Variants in ST3GAL3 observed in about 807,000 individuals in gnomAD.
The protein encoded by ST3GAL3 is ST3 beta-galactoside alpha-2,3-sialyltransferase 3, also known as CMP-N-acetylneuraminate-beta-1,4-galactoside alpha-2,3-sialyltransferase.
In ST3GAL3, 21 loss-of-function variants were observed where a neutral mutation model predicts 50.1. The observed-to-expected ratio is 0.42, with a 90% CI of 0.30 to 0.60. The LOEUF is 0.60. ST3GAL3 is among the 20% of genes least tolerant of loss of function. ST3GAL3 has a pLI of 0.19. For synonymous variants in ST3GAL3, 183 were observed against 190.0 expected (o/e 0.96, Z 0.30); for missense variants, 353 against 489.4 (o/e 0.72, Z 2.63).
chr1:43,773,634 C>T (rs548613481), intron 2 of ST3GAL3, among the ~76,000 whole-genome samples: 4 of 152,154 alleles, frequency 2.6e-5, no homozygotes, highest in Admixed American at 6.5e-5. Context: ...AAGTAAGGTG[C>T]AGAGTTTTTG....
intron 1 of ST3GAL3, among the ~76,000 whole-genome samples, chr1:43,731,401 TTG>T (rs1420079191): frequency 0.015 from 1,769 of 116,194 alleles, 38 homozygotes; most frequent in African/African-American, 0.059. Flanking sequence ...TTTTTTTTTT[TTG>T]AGATGGAGTC....
chr1:43,897,654 G>A (rs1443936584), intron 6 of ST3GAL3, among the ~76,000 whole-genome samples: 1 of 152,192 alleles, frequency 6.6e-6, no homozygotes, highest in Non-Finnish European at 1.5e-5. Flanking sequence ...CAGGCTCAGG[G>A]AGTAAAGAGG....
At chr1:43,817,863 T>C (rs1007451068) in intron 4 of ST3GAL3, among the ~76,000 whole-genome samples, 2 of 137,434 alleles carry the variant, frequency 1.5e-5, no homozygotes, top group Admixed American at 1.5e-4. Flanking sequence ...CTCCTCCTCC[T>C]CTTCCTCCTC....
chr1:43,791,062 A>AT (rs2058019410), intron 2 of ST3GAL3, among the ~76,000 whole-genome samples: 1 of 152,144 alleles, frequency 6.6e-6, no homozygotes, highest in Non-Finnish European at 1.5e-5. Flanking sequence ...GTCTTCACAC[A>AT]TGGCCTTCCC....
At chr1:43,806,763 C>T (rs987549492) in intron 3 of ST3GAL3, among the ~76,000 whole-genome samples, 1 of 152,196 alleles carries the variant, frequency 6.6e-6, no homozygotes, top group Non-Finnish European at 1.5e-5. Context: ...AGTCATGGCT[C>T]ACTGTAGCCT....
intron 2 of ST3GAL3, among the ~76,000 whole-genome samples, chr1:43,757,105 A>G (rs1048768903): frequency 2.0e-5 from 3 of 152,038 alleles, no homozygotes; most frequent in African/African-American, 7.2e-5. Flanking sequence ...GGGTTTCACC[A>G]TGTTGGCCAG....
intron 3 of ST3GAL3, among the ~76,000 whole-genome samples, chr1:43,795,741 C>G (rs559067915): frequency 1.6e-4 from 25 of 152,272 alleles, no homozygotes; most frequent in African/African-American, 5.5e-4. Flanking sequence ...AGCACACTCA[C>G]TCTATCTCTG....
At chr1:43,881,943 A>G (rs1307946284) in intron 5 of ST3GAL3, among the ~76,000 whole-genome samples, 1 of 152,206 alleles carries the variant, frequency 6.6e-6, no homozygotes, top group Non-Finnish European at 1.5e-5. Context: ...GAAGATCCAC[A>G]TGGTGGAGGC....
At position 43,774,809 on chromosome 1, in the gene ST3GAL3, T is replaced by C. The variant is rs1254855631; in HGVS notation, c.119-17293T>C. Among the ~76,000 whole-genome samples the C allele has an allele frequency of 1.3e-5, 2 of 152,232 alleles. 1 individual carries two copies. Among genetic ancestry groups the C allele is most frequent in the Non-Finnish European group, 2.9e-5 (2 of 68,042 alleles). ...CAGCAAATACATATTGAGTGTCTGCTGTGTGTCAGGTACTGTGCCAAGTGA... is the reference window on the plus strand; with the variant it reads ...CAGCAAATACATATTGAGTGTCTGCCGTGTGTCAGGTACTGTGCCAAGTGA... On this transcript the variant is annotated intron_variant, in intron 2 of 11. Transcript: ENST00000347631.
chr1:43,891,116 G>A (rs2076624181), intron 5 of ST3GAL3, among the ~76,000 whole-genome samples: 2 of 152,198 alleles, frequency 1.3e-5, no homozygotes, highest in African/African-American at 4.8e-5. Context: ...GAAAATGACT[G>A]ATTCCAGGTT....
chr1:43,873,488 A>G (rs2073435894), intron 5 of ST3GAL3, among the ~76,000 whole-genome samples: 1 of 152,194 alleles, frequency 6.6e-6, no homozygotes, highest in African/African-American at 2.4e-5. Flanking sequence ...GTAGCTATCA[A>G]GAAGGCAGGG....
intron 1 of ST3GAL3, among the ~76,000 whole-genome samples, chr1:43,713,142 C>T (rs945064214): frequency 3.3e-5 from 5 of 152,090 alleles, no homozygotes; most frequent in Non-Finnish European, 5.9e-5. Flanking sequence ...TAAGACTGGA[C>T]GGAAGGATAG....
intron 4 of ST3GAL3, among the ~76,000 whole-genome samples, chr1:43,816,718 G>C (rs1018553528): frequency 2.6e-5 from 4 of 152,192 alleles, no homozygotes; most frequent in Admixed American, 1.3e-4. Flanking sequence ...TGCAGAGTAG[G>C]CTGTTGTGTA....
intron 4 of ST3GAL3, among the ~76,000 whole-genome samples, chr1:43,827,472 A>G (rs1265798293): frequency 6.6e-6 from 1 of 152,196 alleles, no homozygotes; most frequent in East Asian, 1.9e-4. Context: ...ATAAATGGAT[A>G]TTCCACATTT....
chr1:43,732,611 T>C (rs894385129), intron 1 of ST3GAL3, among the ~76,000 whole-genome samples: 4 of 152,230 alleles, frequency 2.6e-5, no homozygotes, highest in Non-Finnish European at 5.9e-5. Context: ...TTCAGTTTAC[T>C]CCTTTGCATA....
intron 6 of ST3GAL3, among the ~76,000 whole-genome samples, chr1:43,897,373 C>T (rs1040999504): frequency 6.6e-6 from 1 of 152,150 alleles, no homozygotes; most frequent in Non-Finnish European, 1.5e-5. Context: ...GAATTACTTT[C>T]ATTTTAGAGA....
At chr1:43,777,766 TTAAAC>T (rs1261507481) in intron 2 of ST3GAL3, among the ~76,000 whole-genome samples, 1 of 152,150 alleles carries the variant, frequency 6.6e-6, no homozygotes, top group Non-Finnish European at 1.5e-5. Flanking sequence ...TGGGATCTAA[TTAAAC>T]TAAAGAATTT....
intron 5 of ST3GAL3, chr1:43,879,133 A>G (rs957495934): frequency 1.1e-5 from 5 of 449,052 alleles, no homozygotes; most frequent in Non-Finnish European, 2.2e-5. Context: ...TTCAACAGAA[A>G]TCTGAATGAA....
intron 4 of ST3GAL3, among the ~76,000 whole-genome samples, chr1:43,829,995 C>CTTTTTTTTTT (rs71579312): frequency 5.7e-5 from 4 of 70,110 alleles, no homozygotes; most frequent in Non-Finnish European, 1.0e-4. Flanking sequence ...ATAAAAATTC[C>CTTTTTTTTTT]TTTTTTTTTT....
Sources: gnomAD v4.1 joint callset for allele counts (sites outside exome capture counted in the v4.1 genomes callset) on GRCh38, gnomAD v4.1.1 for gene constraint, MANE v1.5 for transcripts, NCBI Gene and HGNC (gene_info 2026-07-23, HGNC 2026-07-21) for gene names.